The following AKAIN1 variants were observed in gnomAD, a reference collection of about 807,000 sequenced individuals.
AKAIN1 encodes the protein A-kinase anchor protein inhibitor 1.
A neutral mutation model predicts 3.7 loss-of-function variants in AKAIN1; 3 were observed. The ratio of observed to expected loss-of-function variants is 0.82; its 90% confidence interval spans 0.37 to 2.12. The LOEUF is 2.12. Among genes scored for constraint, AKAIN1 ranks in the 30% most tolerant of loss-of-function variants. The pLI, the probability that AKAIN1 is intolerant of heterozygous loss-of-function variation, is 0.06. For synonymous variants in AKAIN1, 31 were observed against 30.8 expected (o/e 1.01, Z -0.02); for missense variants, 82 against 82.7 (o/e 0.99, Z 0.03).
At chr18:5,151,436 A>G (rs1354176093) in intron 1 of AKAIN1, among the ~76,000 whole-genome samples, 1 of 152,206 alleles carries the variant, frequency 6.6e-6, no homozygotes, top group Non-Finnish European at 1.5e-5. Context: ...CTAAAGTTAC[A>G]TGAGTTCCCA....
chr18:5,187,315 C>A (rs758169810), intron 1 of AKAIN1, among the ~76,000 whole-genome samples: 13 of 152,106 alleles, frequency 8.5e-5, no homozygotes, highest in Non-Finnish European at 1.8e-4. Context: ...AGATAAGACA[C>A]AGATTACTAA....
chr18:5,164,506 T>C (rs758899546), intron 1 of AKAIN1, among the ~76,000 whole-genome samples: 1 of 152,042 alleles, frequency 6.6e-6, no homozygotes, highest in Non-Finnish European at 1.5e-5. Context: ...CTTTATTATC[T>C]CTAACCAATG....
chr18:5,160,702 C>G (rs2071134340), intron 1 of AKAIN1, among the ~76,000 whole-genome samples: 1 of 151,992 alleles, frequency 6.6e-6, no homozygotes, highest in Non-Finnish European at 1.5e-5. Context: ...ACATTTGGTA[C>G]TTTAATCCAG....
Position 5,186,445 on chromosome 18 carries a change from G to C in AKAIN1, c.16+10593C>G, listed in dbSNP as rs137906232. Among the ~76,000 whole-genome samples, 1,495 of 152,014 alleles carry C rather than the reference G, an allele frequency of 9.8e-3. 22 individuals are homozygous for C. Among genetic ancestry groups the C allele is most frequent in the African/African-American group, 0.034 (1,407 of 41,474 alleles). On this transcript the variant is annotated intron_variant, in intron 1 of 1. Coordinates refer to ENST00000434239, the MANE Select transcript of AKAIN1 (RefSeq NM_001145194.2). ...TCAGAATGAGGTTACTAGAAATAAA[G>C]AGGGACACTCTCTAACAATAAAATG...
chr18:5,149,302 G>C (rs1253484953), intron 1 of AKAIN1, among the ~76,000 whole-genome samples: 2 of 152,176 alleles, frequency 1.3e-5, no homozygotes, highest in African/African-American at 2.4e-5. Flanking sequence ...CAAATAAAAA[G>C]CTGCACAAAG....
chr18:5,183,100 G>C (rs1335191268), intron 1 of AKAIN1, among the ~76,000 whole-genome samples: 3 of 151,836 alleles, frequency 2.0e-5, no homozygotes, highest in Non-Finnish European at 4.4e-5. Flanking sequence ...AACTAAAATA[G>C]GTCAGGCATT....
At chr18:5,182,659 A>G (rs184039160) in intron 1 of AKAIN1, among the ~76,000 whole-genome samples, 3 of 152,222 alleles carry the variant, frequency 2.0e-5, no homozygotes, top group Admixed American at 1.3e-4. Context: ...AACTAGTCCA[A>G]TTCCATTGAT....
In AKAIN1 at chr18:5,195,592, A is replaced by G. The variant is rs565185076; in HGVS notation, c.16+1446T>C. 8.5e-5 allele frequency among the ~76,000 whole-genome samples: 13 copies of G among 152,318 alleles called. No individual in the cohort carries two copies. The South Asian group carries it at 2.7e-3, about 32-fold the overall frequency. On this transcript the variant is annotated intron_variant, in intron 1 of 1. Coordinates refer to ENST00000434239, the MANE Select transcript of AKAIN1 (RefSeq NM_001145194.2). ...ACAGAATTCGAGGTCAGAAAACTCC[A>G]TTAGAGACTAGCAAGATTATCTGGA...
At chr18:5,194,763 C>T (rs921980776) in intron 1 of AKAIN1, among the ~76,000 whole-genome samples, 1 of 152,178 alleles carries the variant, frequency 6.6e-6, no homozygotes, top group Non-Finnish European at 1.5e-5. Context: ...TTCATCTTGG[C>T]TTATATAACA....
chr18:5,161,038 T>C (rs1197735478), intron 1 of AKAIN1, among the ~76,000 whole-genome samples: 1 of 151,038 alleles, frequency 6.6e-6, no homozygotes, highest in Non-Finnish European at 1.5e-5. Flanking sequence ...GCCCTTTGAA[T>C]TCCTATGTAA....
Position 5,197,174 on chromosome 18 carries a change from G to A in AKAIN1, c.-121C>T, listed in dbSNP as rs2071353694. The A allele has an allele frequency of 6.6e-7, 1 of 1,509,476 alleles. No individual in the cohort carries two copies. Among genetic ancestry groups the A allele is most frequent in the South Asian group, 1.2e-5 (1 of 80,686 alleles). 93.5% of individuals were successfully genotyped at this position (1,509,476 alleles called of 1,614,324 possible). A position where few individuals can be genotyped will look rare whatever the true frequency, so the allele number is the denominator to read the frequency against. Reference sequence around the variant, plus strand: ...GGGCGCGCTGGGCGGGCGGCGGGCGGGGCGGTCAGCACCCCGGACAGCTCC... The same window carrying A: ...GGGCGCGCTGGGCGGGCGGCGGGCGAGGCGGTCAGCACCCCGGACAGCTCC... On this transcript the variant is annotated 5_prime_UTR_variant, in exon 1 of 2. Transcript: ENST00000434239. This position sits in a 1 kb window ranked among gnomAD's most constrained non-coding sequence, Gnocchi z 6.9.
chr18:5,196,467 C>T (rs759142856), intron 1 of AKAIN1, among the ~76,000 whole-genome samples: 2 of 152,268 alleles, frequency 1.3e-5, no homozygotes, highest in African/African-American at 4.8e-5. Context: ...TCCAGCGGCG[C>T]CGCAGTAGCT....
At chr18:5,159,753 G>A (rs1286388600) in intron 1 of AKAIN1, among the ~76,000 whole-genome samples, 1 of 152,090 alleles carries the variant, frequency 6.6e-6, no homozygotes, top group African/African-American at 2.4e-5. Context: ...TGGTTTGTCT[G>A]TTTAGCCACC....
chr18:5,197,512 A>AAAAC (rs764730000), upstream of AKAIN1: 5 of 1,225,110 alleles, frequency 4.1e-6, 1 homozygote, highest in Non-Finnish European at 5.1e-6. This position sits in a 1 kb window ranked among gnomAD's most constrained non-coding sequence, Gnocchi z 6.9. Context: ...GTCAAAAAAA[A>AAAAC]AAAACTCTAA....
In AKAIN1 at chr18:5,181,214, A is replaced by G. The variant is rs146818206; in HGVS notation, c.16+15824T>C. ...GGCTGAAGTAAGAGGACTGATTGAGACCAGGAGGTTGAGGCTACAGTGAGC... is the reference window on the plus strand; with the variant it reads ...GGCTGAAGTAAGAGGACTGATTGAGGCCAGGAGGTTGAGGCTACAGTGAGC... On this transcript the variant is annotated intron_variant, in intron 1 of 1. Coordinates refer to ENST00000434239, the MANE Select transcript of AKAIN1 (RefSeq NM_001145194.2). Among the ~76,000 whole-genome samples the G allele has an allele frequency of 1.8e-3, 268 of 152,098 alleles. 1 individual carries two copies. Among genetic ancestry groups the G allele is most frequent in the African/African-American group, 5.6e-3 (232 of 41,516 alleles).
At chr18:5,150,678 T>C (rs1039508753) in intron 1 of AKAIN1, among the ~76,000 whole-genome samples, 1 of 152,152 alleles carries the variant, frequency 6.6e-6, no homozygotes, top group Non-Finnish European at 1.5e-5. Flanking sequence ...CACAGACCAC[T>C]GTGAGCTCTG....
At chr18:5,184,734 G>A (rs1279177457) in intron 1 of AKAIN1, among the ~76,000 whole-genome samples, 1 of 152,008 alleles carries the variant, frequency 6.6e-6, no homozygotes, top group African/African-American at 2.4e-5. Context: ...TCAAGAATAG[G>A]AAGAACCAAT....
At chr18:5,169,732 C>A (rs2071187179) in intron 1 of AKAIN1, among the ~76,000 whole-genome samples, 1 of 152,064 alleles carries the variant, frequency 6.6e-6, no homozygotes, top group Non-Finnish European at 1.5e-5. Context: ...TTTAGAAAAT[C>A]TAGATAAACT....
chr18:5,160,977 C>T (rs186529350), intron 1 of AKAIN1, among the ~76,000 whole-genome samples: 1 of 152,186 alleles, frequency 6.6e-6, no homozygotes, highest in East Asian at 1.9e-4. Context: ...TCTGGAACAG[C>T]AAGTCTCTCC....
Sources: gnomAD v4.1 joint callset for allele counts (sites outside exome capture counted in the v4.1 genomes callset) on GRCh38, gnomAD v4.1.1 for gene constraint, Gnocchi (gnomAD v3.1) non-coding constraint, MANE v1.5 for transcripts, NCBI Gene and HGNC (gene_info 2026-07-23, HGNC 2026-07-21) for gene names.